CCNT1: variants seen among roughly 807,000 people sequenced by gnomAD.
CCNT1 encodes cyclin T1.
Under a neutral mutation model 67.3 loss-of-function variants are expected in CCNT1, and 18 were observed. That is an observed-to-expected ratio of 0.27 (90% CI 0.18 to 0.40). CCNT1 has a LOEUF of 0.40. Among genes scored for constraint, CCNT1 ranks in the 10% least tolerant of loss-of-function variants. The pLI is 1.00. For missense variants in CCNT1, 744 were observed against 884.9 expected (o/e 0.84, Z 2.02); for synonymous variants, 333 against 310.3 (o/e 1.07, Z -0.77).
At chr12:48,702,824 GA>G (rs898524236) in intron 3 of CCNT1, among the ~76,000 whole-genome samples, 45 of 147,180 alleles carry the variant, frequency 3.1e-4, no homozygotes, top group African/African-American at 7.2e-4. Flanking sequence ...CTCAAAAAAA[GA>G]AAAAAAAAAT....
In CCNT1 at chr12:48,692,966, C is replaced by CAAA; in HGVS notation, c.*64_*66dup. The CAAA allele has an allele frequency of 9.5e-6, 8 of 842,104 alleles. No homozygotes were observed. Among genetic ancestry groups the CAAA allele is most frequent in the South Asian group, 4.2e-5 (2 of 47,652 alleles). The allele number at this position is 842,104 out of a possible 1,614,324, so 52.2% of individuals were successfully genotyped here. On this transcript the variant is annotated 3_prime_UTR_variant, in exon 9 of 9. Coordinates refer to ENST00000261900, the MANE Select transcript of CCNT1 (RefSeq NM_001240.4). ...TATTTCATAAGTAATTTTCTTAGTC[C>CAAA]AAAAAAAAAAAAGAAAAATTATGTG...
At chr12:48,694,893 C>T (rs1327375509) in intron 8 of CCNT1, among the ~76,000 whole-genome samples, 2 of 152,120 alleles carry the variant, frequency 1.3e-5, no homozygotes, top group East Asian at 1.9e-4. Flanking sequence ...GGCACAATCT[C>T]GGCTCACTGC....
In CCNT1 at chr12:48,693,431, T is replaced by C; in HGVS notation, c.1783A>G (p.Thr595Ala). The C allele has an allele frequency of 6.2e-7, 1 of 1,614,234 alleles. No individual in the cohort carries two copies. The highest frequency in any genetic ancestry group is 2.2e-5 in the East Asian group (1 of 44,892). Residue 595 changes from threonine (T) to alanine (A), a missense_variant, in exon 9 of 9, where the codon ACT becomes GCT. Transcript: ENST00000261900. ...FDHPAKIAKSTKSSSLNFSFP... is the reference protein window; with the variant it reads ...FDHPAKIAKSAKSSSLNFSFP... Reference sequence around the variant, plus strand: ...GAGAAATTTAGGGAAGAGGATTTAGTACTCTTGGCAATCTTGGCTGGATGA... The same window carrying C: ...GAGAAATTTAGGGAAGAGGATTTAGCACTCTTGGCAATCTTGGCTGGATGA...
rs2137225052 is a variant in CCNT1 at position 48,695,844 on chromosome 12, G to A, written c.707-15C>T. 1 of 1,591,724 alleles carries A rather than the reference G, an allele frequency of 6.3e-7. No homozygotes were observed. The highest frequency in any genetic ancestry group is 8.6e-7 in the Non-Finnish European group (1 of 1,160,400). On this transcript the variant is annotated splice_polypyrimidine_tract_variant and intron_variant, in intron 7 of 8. Transcript: ENST00000261900. ...ATGTGTCAGTTCTACAAGTAAAACA[G>A]AACATTCAAGAAAGACTGAGAGAAA...
At chr12:48,700,925 G>A (rs889821753) in intron 4 of CCNT1, 88 bp downstream of exon 4, 158 of 762,468 alleles carry the variant, frequency 2.1e-4, no homozygotes, top group Non-Finnish European at 1.9e-4. Flanking sequence ...ACTTTCCCAA[G>A]AAATATTCTT....
At chr12:48,712,579 TAAAAAAAAAAAAAAATAAAAAAA>T (rs1480160166) in intron 2 of CCNT1, among the ~76,000 whole-genome samples, 13 of 32,884 alleles carry the variant, frequency 4.0e-4, no homozygotes, top group South Asian at 1.6e-3. Flanking sequence ...ATCTTTTCCT[TAAAAAAAAAAAAAAATAAAAAAA>T]AAAAAAAAAA....
intron 3 of CCNT1, among the ~76,000 whole-genome samples, chr12:48,704,449 A>C (rs1393480410): frequency 6.6e-6 from 1 of 151,990 alleles, no homozygotes; most frequent in Non-Finnish European, 1.5e-5. Flanking sequence ...CTTTATGAGA[A>C]TCTAATGCCT....
intron 2 of CCNT1, 98 bp from the exon 3 acceptor site, chr12:48,705,994 G>A: frequency 8.2e-7 from 1 of 1,218,760 alleles, no homozygotes; most frequent in East Asian, 2.7e-5. Flanking sequence ...CAAGTTATTT[G>A]CTTGCCTCAA....
intron 3 of CCNT1, 21 bp downstream of exon 3, chr12:48,705,747 G>A (rs933071388): frequency 1.3e-6 from 2 of 1,591,172 alleles, no homozygotes; most frequent in Non-Finnish European, 1.7e-6. Context: ...AAGAAAAACA[G>A]ATGTGTAATT....
At position 48,696,113 on chromosome 12, in the gene CCNT1, A is replaced by C. The variant is rs762566800; in HGVS notation, c.592T>G (p.Cys198Gly). Reference sequence around the variant, plus strand: ...TTGCAAGCCAGGTGAATGCAGACACAGGCCACCACAGGAGGTGTGTACTGC... The same window carrying C: ...TTGCAAGCCAGGTGAATGCAGACACCGGCCACCACAGGAGGTGTGTACTGC... ...SLQYTPPVVA[C>G]VCIHLACKWS... The change falls in exon 7 of 9, where the codon TGT (cysteine) becomes GGT (glycine). Residue 198 changes from cysteine (C) to glycine (G), a missense_variant. Coordinates refer to ENST00000261900, the MANE Select transcript of CCNT1 (RefSeq NM_001240.4). 1.2e-6 allele frequency: 2 copies of C among 1,613,692 alleles called. No homozygotes were observed. The highest frequency in any genetic ancestry group is 4.5e-5 in the East Asian group (2 of 44,896).
At chr12:48,702,972 T>C (rs1187659239) in intron 3 of CCNT1, among the ~76,000 whole-genome samples, 2 of 151,492 alleles carry the variant, frequency 1.3e-5, no homozygotes, top group Non-Finnish European at 2.9e-5. Context: ...AAAATAAAAA[T>C]TAACTGGGAG....
At chr12:48,707,382 A>G (rs375325641) in intron 2 of CCNT1, among the ~76,000 whole-genome samples, 1 of 150,990 alleles carries the variant, frequency 6.6e-6, no homozygotes, top group Admixed American at 6.6e-5. Flanking sequence ...TCCTGGGCTC[A>G]GGAGATATTC....
intron 2 of CCNT1, among the ~76,000 whole-genome samples, chr12:48,711,700 G>C (rs1295419299): frequency 1.3e-5 from 2 of 151,012 alleles, no homozygotes; most frequent in African/African-American, 4.8e-5. Flanking sequence ...TATACTCCTT[G>C]CAATCAGAGC....
chr12:48,712,349 C>A (rs866719048), intron 2 of CCNT1, among the ~76,000 whole-genome samples: 2 of 151,572 alleles, frequency 1.3e-5, no homozygotes, highest in Non-Finnish European at 2.9e-5. Flanking sequence ...ATAGCGATCT[C>A]GGCTCACCAC....
Position 48,696,066 on chromosome 12 carries a change from T to A in CCNT1, c.639A>T (p.Pro213=). The A allele has an allele frequency of 6.2e-7, 1 of 1,614,006 alleles. No homozygotes were observed. The highest frequency in any genetic ancestry group is 1.3e-5 in the African/African-American group (1 of 74,974). The change falls in exon 7 of 9, where the codon CCA becomes CCT. Residue 213 remains proline, a synonymous_variant. Coordinates refer to ENST00000261900, the MANE Select transcript of CCNT1 (RefSeq NM_001240.4). ...LACKWSNWEI[P]VSTDGKHWWE... is the part of the protein sequence containing the mutation. ...ACCAGTGCTTCCCGTCAGTTGAGAC[T>A]GGGATCTCCCAATTGGACCACTTGC...
Position 48,693,542 on chromosome 12 carries a change from T to C in CCNT1, c.1672A>G (p.Thr558Ala), listed in dbSNP as rs61751603. 0.02 allele frequency: 31,814 copies of C among 1,613,926 alleles called. 395 individuals carry two copies. Among genetic ancestry groups the C allele is most frequent in the Non-Finnish European group, 0.023 (26,732 of 1,179,970 alleles). The change falls in exon 9 of 9, where the codon ACC (threonine) becomes GCC (alanine). Residue 558 changes from threonine (T) to alanine (A), a missense_variant. Physicochemically the swap from Thr to Ala is moderately conservative, Grantham distance 58 (BLOSUM62 0). Around this residue, in one of 3 missense-constraint regions of CCNT1, gnomAD observed 564 missense variants for 574.2 expected, o/e 0.98. Coordinates refer to ENST00000261900, the MANE Select transcript of CCNT1 (RefSeq NM_001240.4). ...GAAAAAGAACTAGACAAGCTATAGG[T>C]TTTATGTGCTAAGTTGCTTGTCTGG... is the stretch of plus-strand genomic sequence containing the variant. ...SSQTSNLAHKTYSLSSSFSSS... is the reference protein window; with the variant it reads ...SSQTSNLAHKAYSLSSSFSSS...
chr12:48,715,641 T>C (rs966305477), intron 1 of CCNT1, among the ~76,000 whole-genome samples: 25 of 152,118 alleles, frequency 1.6e-4, no homozygotes, highest in Admixed American at 3.9e-4. Flanking sequence ...TTTGTATTTT[T>C]AGTAGAGACA....
At position 48,716,618 on chromosome 12, in the gene CCNT1, C is replaced by T. The variant is rs367772894; in HGVS notation, c.58G>A (p.Glu20Lys). ...KRWYFTREQLENSPSRRFGVD... is the reference protein window; with the variant it reads ...KRWYFTREQLKNSPSRRFGVD... ...CCAAAACGACGGGATGGGCTATTTT[C>T]CAGCTGTTCTCGAGTGAAATACCAC... Residue 20 changes from glutamate to lysine, a missense_variant, in exon 1 of 9, where the codon GAA becomes AAA. By Grantham distance (56) the Glu-to-Lys change is moderately conservative. Transcript: ENST00000261900. 3.1e-6 allele frequency: 5 copies of T among 1,614,116 alleles called. No individual in the cohort carries two copies. Among genetic ancestry groups the T allele is most frequent in the Non-Finnish European group, 4.2e-6 (5 of 1,180,038 alleles).
rs750184894 is a variant in CCNT1 at position 48,714,440 on chromosome 12, T to TA, written c.243+2dup. 1.3e-5 allele frequency: 20 copies of TA among 1,562,774 alleles called. No homozygotes were observed. The highest frequency in any genetic ancestry group is 1.8e-5 in the Non-Finnish European group (20 of 1,133,802). Reference sequence around the variant, plus strand: ...TTATATCATATAAAAAAATTATACTTACATTTCCAGGGAACTGTGTGAAGG... The same window carrying TA: ...TTATATCATATAAAAAAATTATACTTAACATTTCCAGGGAACTGTGTGAAGG... On this transcript the variant is annotated splice_region_variant and intron_variant, in intron 2 of 8. Transcript: ENST00000261900.
Sources: gnomAD v4.1 joint callset for allele counts (sites outside exome capture counted in the v4.1 genomes callset) on GRCh38, gnomAD v4.1.1 for gene constraint, gnomAD v4.1.1 regional missense constraint, MANE v1.5 for transcripts, NCBI Gene and HGNC (gene_info 2026-07-23, HGNC 2026-07-21) for gene names.